GLIS3: variants seen among roughly 807,000 people sequenced by gnomAD.
GLIS3 encodes the protein zinc finger protein GLIS3.
A neutral mutation model predicts 78.6 loss-of-function variants in GLIS3; 53 were observed. The observed-to-expected ratio is 0.67, with a 90% CI of 0.54 to 0.85. The LOEUF (loss-of-function observed/expected upper bound fraction) is 0.85. Ranked by LOEUF, GLIS3 falls within the 40% of genes least tolerant of loss-of-function variation. GLIS3 has a pLI of 0.00. For missense variants in GLIS3, 1,703 were observed against 1,231.1 expected (o/e 1.38, Z -5.74); for synonymous variants, 684 against 509.9 (o/e 1.34, Z -4.60).
rs139141069 is a variant in GLIS3 at position 3,970,799 on chromosome 9, G to C, written c.1711-33610C>G. Among the ~76,000 whole-genome samples the C allele has an allele frequency of 3.3e-5, 5 of 152,240 alleles. No homozygotes were observed. In the East Asian group the frequency reaches 9.7e-4, roughly 29 times the overall value. On this transcript the variant is annotated intron_variant, in intron 4 of 10. Transcript: ENST00000381971. ...AAGTAAATATCCTAGTGTGAAGCTGGCAATTGAAGAGAGAAGGATGAGAAG... is the reference window on the plus strand; with the variant it reads ...AAGTAAATATCCTAGTGTGAAGCTGCCAATTGAAGAGAGAAGGATGAGAAG...
chr9:3,891,917 T>G (rs1454158594), intron 7 of GLIS3, among the ~76,000 whole-genome samples: 1 of 152,168 alleles, frequency 6.6e-6, no homozygotes, highest in Non-Finnish European at 1.5e-5. Context: ...AGCAAATTCC[T>G]ATGCACGTTG....
intron 4 of GLIS3, among the ~76,000 whole-genome samples, chr9:4,100,196 G>T (rs942635332): frequency 6.6e-6 from 1 of 152,066 alleles, no homozygotes; most frequent in African/African-American, 2.4e-5. Flanking sequence ...GGTGTAGTAT[G>T]CGGGTACTAG....
At chr9:3,857,360 G>A (rs1184506605) in intron 8 of GLIS3, among the ~76,000 whole-genome samples, 1 of 152,136 alleles carries the variant, frequency 6.6e-6, no homozygotes, top group Non-Finnish European at 1.5e-5. Context: ...TTTTGTGGAG[G>A]GCCATAGATG....
At chr9:4,072,807 A>C (rs548230680) in intron 4 of GLIS3, among the ~76,000 whole-genome samples, 1 of 152,046 alleles carries the variant, frequency 6.6e-6, no homozygotes, top group East Asian at 1.9e-4. Context: ...TCTTCTATAT[A>C]AGTAGAATGA....
chr9:3,952,405 C>T (rs1278052522), intron 4 of GLIS3, among the ~76,000 whole-genome samples: 1 of 152,104 alleles, frequency 6.6e-6, no homozygotes, highest in African/African-American at 2.4e-5. Context: ...ATGTCTGATC[C>T]CGGCCAGGCT....
chr9:4,002,761 T>G (rs1017928232), intron 4 of GLIS3, among the ~76,000 whole-genome samples: 3 of 152,188 alleles, frequency 2.0e-5, no homozygotes, highest in Non-Finnish European at 4.4e-5. Context: ...GGATGTCTGC[T>G]GGGAGAAAGA....
chr9:4,291,877 A>C (rs1359048222), intron 1 of GLIS3, among the ~76,000 whole-genome samples: 1 of 152,142 alleles, frequency 6.6e-6, no homozygotes, highest in African/African-American at 2.4e-5. Context: ...ACTAAATGTC[A>C]CTACTTTCAC....
intron 2 of GLIS3, among the ~76,000 whole-genome samples, chr9:4,141,096 G>A (rs560354027): frequency 6.6e-6 from 1 of 152,254 alleles, no homozygotes; most frequent in East Asian, 1.9e-4. Context: ...CACCGTGCCT[G>A]GCCAAATTCA....
At chr9:4,455,131 T>G in the GLIS3 span, among the ~76,000 whole-genome samples, 2 of 151,986 alleles carry the variant, frequency 1.3e-5, no homozygotes, top group South Asian at 4.1e-4. Context: ...ATAAAAAGAG[T>G]ACTCATGAAG....
At chr9:3,916,114 T>C (rs966176582) in intron 6 of GLIS3, among the ~76,000 whole-genome samples, 1 of 152,234 alleles carries the variant, frequency 6.6e-6, no homozygotes, top group African/African-American at 2.4e-5. Context: ...AATGCTGTTT[T>C]ACTGTCCATA....
intron 4 of GLIS3, among the ~76,000 whole-genome samples, chr9:4,006,447 T>A (rs1184790505): frequency 1.3e-5 from 2 of 152,086 alleles, no homozygotes; most frequent in African/African-American, 4.8e-5. Flanking sequence ...AAACATGCCA[T>A]TATTTAATTG....
the GLIS3 span, among the ~76,000 whole-genome samples, chr9:4,473,204 T>A: frequency 6.6e-6 from 1 of 152,084 alleles, no homozygotes. Flanking sequence ...GTGATACATA[T>A]ACACCATGGA....
At chr9:4,484,404 A>ATTTTTT in the GLIS3 span, among the ~76,000 whole-genome samples, 5 of 49,736 alleles carry the variant, frequency 1.0e-4, no homozygotes, top group African/African-American at 4.5e-4. Context: ...TGCCAGGCTA[A>ATTTTTT]TTTTTTTTTT....
At chr9:4,337,232 C>A (rs1817768102) in intron 2 of GLIS3, among the ~76,000 whole-genome samples, 1 of 152,166 alleles carries the variant, frequency 6.6e-6, no homozygotes, top group Non-Finnish European at 1.5e-5. Context: ...AGGAAATAAT[C>A]AGAAGCTCAG....
intron 4 of GLIS3, among the ~76,000 whole-genome samples, chr9:3,963,198 C>T (rs530694130): frequency 6.6e-6 from 1 of 152,254 alleles, no homozygotes; most frequent in Non-Finnish European, 1.5e-5. Context: ...ATGAATAAAC[C>T]TCACTTAAAA....
chr9:4,218,896 C>T (rs760031121), intron 2 of GLIS3, among the ~76,000 whole-genome samples: 7 of 152,296 alleles, frequency 4.6e-5, no homozygotes, highest in Non-Finnish European at 7.4e-5. Flanking sequence ...CTTTATCTTC[C>T]ACAGAGCACT....
At chr9:4,408,954 A>G in the GLIS3 span, among the ~76,000 whole-genome samples, 1 of 152,010 alleles carries the variant, frequency 6.6e-6, no homozygotes, top group Non-Finnish European at 1.5e-5. Flanking sequence ...CATATACCCC[A>G]CACATACATA....
chr9:3,997,805 A>C (rs1820853325), intron 4 of GLIS3, among the ~76,000 whole-genome samples: 1 of 152,186 alleles, frequency 6.6e-6, no homozygotes. Flanking sequence ...AAAAAGAGTT[A>C]TGCTATGAGC....
the GLIS3 span, among the ~76,000 whole-genome samples, chr9:4,415,169 T>C: frequency 3.3e-5 from 5 of 152,292 alleles, no homozygotes; most frequent in South Asian, 8.3e-4. Flanking sequence ...TGTAAATCCA[T>C]TGTGTAAATG....
Sources: allele counts gnomAD v4.1 joint callset (sites outside exome capture counted in the v4.1 genomes callset), GRCh38; gene constraint gnomAD v4.1.1; transcripts MANE v1.5; gene names NCBI Gene and HGNC (gene_info 2026-07-23, HGNC 2026-07-21).